The following RARB variants were observed in gnomAD, a reference collection of about 807,000 sequenced individuals.
RARB encodes HBV-activated protein.
RARB carries 17 observed loss-of-function variants against 51.9 expected under a neutral mutation model. That is an observed-to-expected ratio of 0.33 (90% confidence interval 0.22 to 0.49). RARB has a LOEUF of 0.49. Among genes scored for constraint, RARB ranks in the 20% least tolerant of loss-of-function variants. The pLI is 0.99. For synonymous variants in RARB, 215 were observed against 195.4 expected (o/e 1.10, Z -0.84); for missense variants, 369 against 550.8 (o/e 0.67, Z 3.30).
At chr3:24,841,963 T>C (rs1346087222) in intron 1 of RARB, among the ~76,000 whole-genome samples, 1 of 152,228 alleles carries the variant, frequency 6.6e-6, no homozygotes, top group African/African-American at 2.4e-5. Flanking sequence ...TTAGTTTTAA[T>C]AATTAGAAGA....
intron 2 of RARB, among the ~76,000 whole-genome samples, chr3:24,949,488 T>A (rs1053168126): frequency 6.6e-6 from 1 of 152,238 alleles, no homozygotes. Context: ...AATTTAAGGT[T>A]TGTAATGTGA....
chr3:25,493,730 C>T (rs1696864626), intron 2 of RARB, among the ~76,000 whole-genome samples: 3 of 152,292 alleles, frequency 2.0e-5, no homozygotes, highest in African/African-American at 7.2e-5. Flanking sequence ...TTCCACACCA[C>T]TTTTTGGGTG....
At chr3:24,958,570 G>A (rs1286243319) in intron 2 of RARB, among the ~76,000 whole-genome samples, 1 of 151,990 alleles carries the variant, frequency 6.6e-6, no homozygotes, top group African/African-American at 2.4e-5. Context: ...ATTTATCTGT[G>A]CTTTCTTTCA....
intron 4 of RARB, among the ~76,000 whole-genome samples, chr3:25,578,345 G>T (rs765440122): frequency 6.6e-6 from 1 of 152,200 alleles, no homozygotes; most frequent in South Asian, 2.1e-4. Flanking sequence ...TTTACATGCC[G>T]TTAAGACGGC....
At chr3:25,514,351 A>G (rs1166078636) in intron 3 of RARB, among the ~76,000 whole-genome samples, 1 of 152,192 alleles carries the variant, frequency 6.6e-6, no homozygotes, top group East Asian at 1.9e-4. Flanking sequence ...TTGAGCAATT[A>G]TCTGATGAAT....
intron 1 of RARB, among the ~76,000 whole-genome samples, chr3:24,845,930 G>A (rs375233028): frequency 4.6e-5 from 7 of 152,048 alleles, no homozygotes; most frequent in Admixed American, 6.6e-5. Flanking sequence ...GTGCTTTTAC[G>A]GTTTACACTA....
At chr3:25,569,961 C>A in intron 4 of RARB, 43 bp downstream of exon 4, 2 of 1,545,552 alleles carry the variant, frequency 1.3e-6, no homozygotes, top group South Asian at 1.2e-5. Flanking sequence ...GTGTGGAAAC[C>A]TTGTACGTGC....
chr3:25,597,809 T>C lies in RARB; in HGVS notation c.*1193T>C, dbSNP rs1266960167. 2.0e-5 allele frequency: 3 copies of C among 152,510 alleles called. No homozygotes were observed. Among genetic ancestry groups the C allele is most frequent in the Admixed American group, 1.3e-4 (2 of 15,262 alleles). 9.4% of individuals were successfully genotyped at this position (152,510 alleles called of 1,614,324 possible). On this transcript the variant is annotated 3_prime_UTR_variant, in exon 8 of 8. Transcript: ENST00000330688. ...TTTTGATATATTAGCAAGTCTGTGA[T>C]GTACTTTCACTGGCTCTGTTTGTAC...
intron 3 of RARB, among the ~76,000 whole-genome samples, chr3:25,104,037 T>C (rs1446227658): frequency 6.6e-6 from 1 of 152,234 alleles, no homozygotes. Flanking sequence ...TTTCTACCTT[T>C]GGACTGGGTC....
At chr3:25,081,050 G>T (rs982754200) in intron 3 of RARB, among the ~76,000 whole-genome samples, 13 of 151,794 alleles carry the variant, frequency 8.6e-5, no homozygotes, top group Admixed American at 6.6e-4. Flanking sequence ...GGTTTAATTT[G>T]CTCTTCTTTG....
At chr3:25,523,133 C>G (rs1698474142) in intron 3 of RARB, among the ~76,000 whole-genome samples, 1 of 152,144 alleles carries the variant, frequency 6.6e-6, no homozygotes, top group Non-Finnish European at 1.5e-5. Flanking sequence ...TTGAGAATAT[C>G]ACTGGTTTCC....
At chr3:25,330,617 A>T (rs2125444727) in intron 5 of RARB, among the ~76,000 whole-genome samples, 1 of 152,334 alleles carries the variant, frequency 6.6e-6, no homozygotes, top group Middle Eastern at 3.4e-3. Flanking sequence ...AATGAGCAAA[A>T]CAACCAGCTA....
chr3:25,550,703 C>T (rs553994730), intron 3 of RARB, among the ~76,000 whole-genome samples: 17 of 152,278 alleles, frequency 1.1e-4, no homozygotes, highest in African/African-American at 3.4e-4. Context: ...GGTATTAAGC[C>T]TCATATGCAT....
chr3:25,536,773 GA>G (rs1450555340), intron 3 of RARB, among the ~76,000 whole-genome samples: 1 of 152,058 alleles, frequency 6.6e-6, no homozygotes, highest in Non-Finnish European at 1.5e-5. Flanking sequence ...ACTGGGAGCA[GA>G]AATGGTGAAA....
At chr3:25,210,320 G>T (rs915134658) in intron 5 of RARB, among the ~76,000 whole-genome samples, 1 of 151,994 alleles carries the variant, frequency 6.6e-6, no homozygotes, top group Admixed American at 6.6e-5. Flanking sequence ...AAAATTTATA[G>T]GTTAGGAGTA....
chr3:25,206,811 A>C (rs959099364), intron 5 of RARB, among the ~76,000 whole-genome samples: 15 of 152,098 alleles, frequency 9.9e-5, no homozygotes, highest in Admixed American at 9.8e-4. Flanking sequence ...AACCCTGACT[A>C]CTTTTTCTCA....
intron 5 of RARB, among the ~76,000 whole-genome samples, chr3:25,308,135 T>C (rs1419017869): frequency 6.6e-6 from 1 of 152,226 alleles, no homozygotes; most frequent in Non-Finnish European, 1.5e-5. Flanking sequence ...CTTAAAATTA[T>C]GTGTTTGAGT....
At chr3:24,886,770 A>T (rs1429135617) in intron 2 of RARB, among the ~76,000 whole-genome samples, 3 of 152,134 alleles carry the variant, frequency 2.0e-5, no homozygotes, top group Non-Finnish European at 2.9e-5. Context: ...GGGCAACTTG[A>T]TCCTACATAG....
intron 2 of RARB, among the ~76,000 whole-genome samples, chr3:25,045,519 T>A (rs1315619982): frequency 1.3e-5 from 2 of 152,328 alleles, no homozygotes; most frequent in East Asian, 3.9e-4. Context: ...GTTCATTGTT[T>A]GGGGCCTCTG....
Sources: gnomAD v4.1 joint callset for allele counts (sites outside exome capture counted in the v4.1 genomes callset) on GRCh38, gnomAD v4.1.1 for gene constraint, MANE v1.5 for transcripts, NCBI Gene and HGNC (gene_info 2026-07-23, HGNC 2026-07-21) for gene names.